The following USP10 variants were observed in gnomAD, a reference collection of about 807,000 sequenced individuals.
USP10 encodes the protein ubiquitin specific peptidase 10, also known as ubiquitin carboxyl-terminal hydrolase 10.
USP10 carries 22 observed loss-of-function variants against 84.5 expected under a neutral mutation model. That is an observed-to-expected ratio of 0.26 (90% CI 0.19 to 0.37). USP10 has a LOEUF of 0.37. Ranked by LOEUF, USP10 falls within the 10% of genes least tolerant of loss-of-function variation. The probability of loss-of-function intolerance (pLI) is 1.00; values close to 1 mark genes in which losing one functional copy is unlikely to be tolerated. For missense variants in USP10, 1,019 were observed against 998.9 expected (o/e 1.02, Z -0.27); for synonymous variants, 454 against 387.6 (o/e 1.17, Z -2.01).
chr16:84,715,659 C>G (rs537520090), intron 1 of USP10, among the ~76,000 whole-genome samples: 8 of 151,742 alleles, frequency 5.3e-5, no homozygotes, highest in Non-Finnish European at 1.2e-4. Context: ...AAAAAACAAA[C>G]AAGTAGAGCT....
At chr16:84,743,858 T>G (rs1910905330) in intron 3 of USP10, among the ~76,000 whole-genome samples, 1 of 152,178 alleles carries the variant, frequency 6.6e-6, no homozygotes, top group South Asian at 2.1e-4. Context: ...TTCTAACTTT[T>G]TCTTTTGGTA....
chr16:84,770,525 C>T (rs1041148105), intron 11 of USP10, among the ~76,000 whole-genome samples: 1 of 152,188 alleles, frequency 6.6e-6, no homozygotes, highest in African/African-American at 2.4e-5. Flanking sequence ...GTAATCCCAG[C>T]ACTTTGGGAG....
intron 8 of USP10, among the ~76,000 whole-genome samples, chr16:84,760,676 AC>A (rs2150850789): frequency 6.6e-6 from 1 of 152,300 alleles, no homozygotes; most frequent in Admixed American, 6.5e-5. Flanking sequence ...TCTTCATCAT[AC>A]TTACAGGCTT....
At chr16:84,770,680 G>A (rs567371705) in intron 11 of USP10, among the ~76,000 whole-genome samples, 7 of 151,728 alleles carry the variant, frequency 4.6e-5, no homozygotes, top group Non-Finnish European at 1.0e-4. Context: ...GCTGAGGCAG[G>A]AGAATGGCGT....
intron 10 of USP10, among the ~76,000 whole-genome samples, chr16:84,764,539 C>T (rs1194098558): frequency 2.6e-5 from 4 of 152,114 alleles, no homozygotes; most frequent in Admixed American, 1.3e-4. Context: ...AAGAGAAAAG[C>T]CAGCTAATTG....
In USP10 at chr16:84,758,808, G is replaced by T. The variant is rs1912875825; in HGVS notation, c.1284+1G>T. On this transcript the variant is annotated splice_donor_variant, in intron 5 of 13. Transcript: ENST00000219473. LOFTEE classifies it high-confidence loss of function. ...AGGGAACTGGTGCTACATTAATGCT[G>T]TATCCTTCCTGGACGCCGTCCGCAA... The T allele has an allele frequency of 6.2e-7, 1 of 1,611,456 alleles. No individual in the cohort carries two copies. The highest frequency in any genetic ancestry group is 8.5e-7 in the Non-Finnish European group (1 of 1,177,618).
At chr16:84,742,098 G>T (rs994340713) in intron 3 of USP10, among the ~76,000 whole-genome samples, 1 of 151,966 alleles carries the variant, frequency 6.6e-6, no homozygotes, top group Non-Finnish European at 1.5e-5. Context: ...AATTTTTGTA[G>T]GTACATAATA....
chr16:84,740,134 TAAATG>T (rs780259084), intron 2 of USP10, among the ~76,000 whole-genome samples, 170 bp from the exon 3 acceptor site: 65 of 152,384 alleles, frequency 4.3e-4, no homozygotes, highest in Middle Eastern at 3.4e-3. Context: ...TTTTTTTCGT[TAAATG>T]AAGATGATTT....
intron 2 of USP10, among the ~76,000 whole-genome samples, chr16:84,734,910 C>T (rs1567612399): frequency 6.6e-6 from 1 of 152,218 alleles, no homozygotes; most frequent in South Asian, 2.1e-4. Context: ...CCTTAGCTGT[C>T]CTGTCAGCCC....
At position 84,745,087 on chromosome 16, in the gene USP10, G is replaced by A. The variant is rs1389297646; in HGVS notation, c.606G>A (p.Pro202=). 1.1e-5 allele frequency: 18 copies of A among 1,613,426 alleles called. No homozygotes were observed. Among genetic ancestry groups the A allele is most frequent in the African/African-American group, 6.7e-5 (5 of 74,892 alleles). The change falls in exon 4 of 14, where the codon CCG becomes CCA. Residue 202 remains proline, a synonymous_variant. Coordinates refer to ENST00000219473, the MANE Select transcript of USP10 (RefSeq NM_005153.3). The part of the protein sequence containing the change: ...EDAEFMGDMP[P]SVTPRTCNSP... The stretch of plus-strand genomic sequence containing the variant: ...CAGAATTTATGGGTGACATGCCCCC[G>A]TCAGTTACGCCCAGGACTTGTAACA...
intron 12 of USP10, among the ~76,000 whole-genome samples, chr16:84,773,766 A>G (rs2150873539): frequency 6.6e-6 from 1 of 152,226 alleles, no homozygotes; most frequent in East Asian, 1.9e-4. Context: ...TATTCTATCC[A>G]TCGGGAAACC....
rs35408254 is a variant in USP10, at chr16:84,754,989, GAA to G, written c.1193-3715_1193-3714del. Among the ~76,000 whole-genome samples, 1,056 of 145,930 alleles carry G rather than the reference GAA, an allele frequency of 7.2e-3. 6 individuals are homozygous for G. Among genetic ancestry groups the G allele is most frequent in the Non-Finnish European group, 9.5e-3 (632 of 66,298 alleles). On this transcript the variant is annotated intron_variant, in intron 4 of 13. Transcript: ENST00000219473. ...AACCCTGTCTCTAGACTTTGTCCCA[GAA>G]AAAAAAAAAAAGGAGCTGTGTTTTC...
rs749511016 is a variant in USP10, at chr16:84,745,428, A to C, written c.947A>C (p.Lys316Thr). Residue 316 changes from lysine to threonine, a missense_variant, in exon 4 of 14, where the codon AAA (lysine) becomes ACA (threonine). Around this residue, in one of 2 missense-constraint regions of USP10, gnomAD observed 787 missense variants for 708.8 expected, o/e 1.11. Transcript: ENST00000219473. ...TTESIDLDPT[K>T]PESASPPADG... ...GAAAGCATAGACTTGGACCCAACCAAACCCGAGAGTGCATCACCTCCTGCT... is the reference window on the plus strand; with the variant it reads ...GAAAGCATAGACTTGGACCCAACCACACCCGAGAGTGCATCACCTCCTGCT... 1.9e-6 allele frequency: 3 copies of C among 1,613,654 alleles called. No homozygotes were observed. The highest frequency in any genetic ancestry group is 2.5e-6 in the Non-Finnish European group (3 of 1,179,724).
intron 1 of USP10, among the ~76,000 whole-genome samples, chr16:84,706,474 A>G (rs1355171048): frequency 6.7e-6 from 1 of 148,500 alleles, no homozygotes; most frequent in Admixed American, 6.7e-5. Context: ...GACTATATAT[A>G]TATTTATATG....
At chr16:84,742,099 G>C (rs1026346474) in intron 3 of USP10, among the ~76,000 whole-genome samples, 10 of 152,016 alleles carry the variant, frequency 6.6e-5, no homozygotes, top group African/African-American at 2.4e-4. Context: ...ATTTTTGTAG[G>C]TACATAATAG....
At chr16:84,751,384 TG>T (rs1911915269) in intron 4 of USP10, among the ~76,000 whole-genome samples, 1 of 152,164 alleles carries the variant, frequency 6.6e-6, no homozygotes, top group Non-Finnish European at 1.5e-5. Flanking sequence ...CCCCGCTCCT[TG>T]GGGGAAATGG....
chr16:84,734,398 C>G (rs906215026), intron 2 of USP10, among the ~76,000 whole-genome samples: 3 of 152,186 alleles, frequency 2.0e-5, no homozygotes, highest in African/African-American at 4.8e-5. Flanking sequence ...ATTTCATTCT[C>G]TTCACGTCTG....
At chr16:84,709,386 G>T in intron 1 of USP10, 1 of 152,420 alleles carries the variant, frequency 6.6e-6, no homozygotes. Flanking sequence ...GTGTGTCTTG[G>T]GCACAGAGCT....
Position 84,779,065 on chromosome 16 carries a change from C to G in USP10, c.2380C>G (p.Arg794Gly). The G allele has an allele frequency of 6.2e-7, 1 of 1,613,696 alleles. No individual in the cohort carries two copies. The highest frequency in any genetic ancestry group is 8.5e-7 in the Non-Finnish European group (1 of 1,179,678). ...CACAGCCTACCTCCTGTATTACCGC[C>G]GAGTGGACCTGCTGTAAACCCTGTG... is the stretch of plus-strand genomic sequence containing the variant. Reference protein sequence around the residue: ...ERTAYLLYYRRVDLL With the variant: ...ERTAYLLYYRGVDLL The change falls in exon 14 of 14, where the codon CGA becomes GGA. Residue 794 changes from arginine to glycine, a missense_variant. By Grantham distance (125) the Arg-to-Gly change is moderately radical. Around this residue, in one of 2 missense-constraint regions of USP10, gnomAD observed 232 missense variants for 290.1 expected, o/e 0.80. Coordinates refer to ENST00000219473, the MANE Select transcript of USP10 (RefSeq NM_005153.3).
Sources: allele counts gnomAD v4.1 joint callset (sites outside exome capture counted in the v4.1 genomes callset), GRCh38; gene constraint gnomAD v4.1.1; regional missense constraint gnomAD v4.1.1; transcripts MANE v1.5; gene names NCBI Gene and HGNC (gene_info 2026-07-23, HGNC 2026-07-21).